The following RMND1 variants were observed in gnomAD, a reference collection of about 807,000 sequenced individuals.
RMND1 encodes required for meiotic nuclear division 1 homolog.
In RMND1, 41 loss-of-function variants were observed where a neutral mutation model predicts 54.0. The observed-to-expected ratio is 0.76, with a 90% CI of 0.59 to 0.98. RMND1 has a LOEUF of 0.98. Ranked by LOEUF, RMND1 falls within the 50% of genes least tolerant of loss-of-function variation. The pLI is 0.00. For missense variants in RMND1, 457 were observed against 532.0 expected (o/e 0.86, Z 1.39); for synonymous variants, 183 against 181.7 (o/e 1.01, Z -0.06).
chr6:151,447,800 T>A (rs114975364), intron 1 of RMND1, among the ~76,000 whole-genome samples: 3,577 of 148,968 alleles, frequency 0.024, 176 homozygotes, highest in African/African-American at 0.083. Context: ...TTATTCTCTT[T>A]GAGTAAATTC....
chr6:151,435,810 G>A (rs999217156), intron 3 of RMND1, among the ~76,000 whole-genome samples: 1 of 150,406 alleles, frequency 6.6e-6, no homozygotes, highest in African/African-American at 2.4e-5. Context: ...TCTTCTATAA[G>A]ACTAAAATAA....
intron 8 of RMND1, among the ~76,000 whole-genome samples, chr6:151,421,782 G>T (rs58065098): frequency 0.12 from 17,850 of 151,976 alleles, 1,085 homozygotes; most frequent in Middle Eastern, 0.18. Flanking sequence ...TTCTCAGAGA[G>T]AAACATTTCA....
intron 1 of RMND1, among the ~76,000 whole-genome samples, chr6:151,449,170 C>T (rs1562803053): frequency 1.3e-5 from 2 of 151,102 alleles, no homozygotes; most frequent in African/African-American, 2.4e-5. Flanking sequence ...TGTTCGAGGC[C>T]AGCCTGGCCA....
chr6:151,405,170 G>A lies in RMND1; in HGVS notation c.*65C>T, dbSNP rs892293654. ...CAGGCATGAGGCACCGCGCCGGGCC[G>A]AACATTTAATTTTTGATTGTAGAAC... On this transcript the variant is annotated 3_prime_UTR_variant, in exon 12 of 12. Coordinates refer to ENST00000444024, the MANE Select transcript of RMND1 (RefSeq NM_017909.4). 8.7e-6 allele frequency: 13 copies of A among 1,497,390 alleles called. No individual in the cohort carries two copies. The highest frequency in any genetic ancestry group is 3.4e-5 in the Admixed American group (2 of 59,194). The allele number at this position is 1,497,390 out of a possible 1,614,324, so 92.8% of individuals were successfully genotyped here. A position where few individuals can be genotyped will look rare whatever the true frequency, so the allele number is the denominator to read the frequency against.
chr6:151,445,200 G>A, intron 2 of RMND1, 108 bp downstream of exon 2: 3 of 1,123,842 alleles, frequency 2.7e-6, no homozygotes, highest in Non-Finnish European at 3.8e-6. Context: ...AGAAGTCTGA[G>A]TGACTGCTAG....
intron 4 of RMND1, among the ~76,000 whole-genome samples, chr6:151,432,517 G>A (rs1023948306): frequency 2.2e-5 from 3 of 139,384 alleles, no homozygotes; most frequent in Admixed American, 7.1e-5. Flanking sequence ...TTAGTCTCAT[G>A]ACTATGGGTA....
rs1365284912 is a variant in RMND1 at position 151,421,304 on chromosome 6, C to T, written c.1020G>A (p.Lys340=). The T allele has an allele frequency of 6.2e-7, 1 of 1,612,432 alleles. No homozygotes were observed. The highest frequency in any genetic ancestry group is 8.5e-7 in the Non-Finnish European group (1 of 1,179,168). ...QSIPEALKAG[K]KVKLSHEEVM... Reference sequence around the variant, plus strand: ...CTTCTTCATGAGATAGTTTCACTTTCTTCCCAGCTTTTAAAGCCTAGTTGA... The same window carrying T: ...CTTCTTCATGAGATAGTTTCACTTTTTTCCCAGCTTTTAAAGCCTAGTTGA... Residue 340 remains lysine, a synonymous_variant, in exon 9 of 12, where the codon AAG becomes AAA. Transcript: ENST00000444024.
intron 10 of RMND1, among the ~76,000 whole-genome samples, chr6:151,406,477 T>A (rs962699113): frequency 1.3e-5 from 2 of 152,086 alleles, no homozygotes; most frequent in Non-Finnish European, 2.9e-5. Flanking sequence ...TTCTCCTGCC[T>A]CAGCCTCCCA....
At chr6:151,426,340 C>T (rs566325861) in intron 6 of RMND1, among the ~76,000 whole-genome samples, 2 of 152,280 alleles carry the variant, frequency 1.3e-5, no homozygotes, top group South Asian at 2.1e-4. Flanking sequence ...TTCATACTGC[C>T]TCTGTCTCGG....
chr6:151,437,107 C>A (rs545380615), intron 2 of RMND1, among the ~76,000 whole-genome samples: 1 of 152,196 alleles, frequency 6.6e-6, no homozygotes, highest in Non-Finnish European at 1.5e-5. Context: ...TTGTCTCATG[C>A]CCCATCTTGC....
At chr6:151,445,285 A>G (rs1306467498) in intron 2 of RMND1, 23 bp downstream of exon 2, 9 of 1,584,790 alleles carry the variant, frequency 5.7e-6, no homozygotes, top group African/African-American at 1.4e-5. Context: ...TAAGCACGAG[A>G]GCCACGGCCA....
chr6:151,428,444 C>T (rs1249885403), intron 5 of RMND1, among the ~76,000 whole-genome samples: 7 of 152,148 alleles, frequency 4.6e-5, no homozygotes, highest in Admixed American at 3.9e-4. Context: ...TACAATGTTG[C>T]GATGTGCCAC....
chr6:151,433,336 A>C, intron 3 of RMND1, 106 bp from the exon 4 acceptor site: 1 of 632,978 alleles, frequency 1.6e-6, no homozygotes, highest in Non-Finnish European at 2.7e-6. Context: ...TTCTTTATAT[A>C]CCATGGAGTG....
intron 3 of RMND1, among the ~76,000 whole-genome samples, chr6:151,435,704 G>A (rs940730845): frequency 6.6e-6 from 1 of 151,660 alleles, no homozygotes; most frequent in Non-Finnish European, 1.5e-5. Context: ...ACAGGCGTGA[G>A]CTACTGCACC....
rs554892347 is a variant in RMND1, at chr6:151,419,102, C to G, written c.1080-1703G>C. ...TTTTTGAGACAGAATCTTGCTCTGT[C>G]GCCCAGGCTGGAGTGCAGTGGCATG... On this transcript the variant is annotated intron_variant, in intron 9 of 11. Coordinates refer to ENST00000444024, the MANE Select transcript of RMND1 (RefSeq NM_017909.4). Among the ~76,000 whole-genome samples the G allele has an allele frequency of 5.8e-5, 8 of 136,804 alleles. No homozygotes were observed. The East Asian group carries it at 1.3e-3, about 23-fold the overall frequency. The allele number at this position is 136,804 out of a possible 152,430, so 89.7% of individuals were successfully genotyped here. A position where few individuals can be genotyped will look rare whatever the true frequency, so the allele number is the denominator to read the frequency against.
chr6:151,445,765 A>G lies in RMND1; in HGVS notation c.47T>C (p.Leu16Ser). The G allele has an allele frequency of 6.2e-7, 1 of 1,613,584 alleles. No individual in the cohort carries two copies. Among genetic ancestry groups the G allele is most frequent in the Non-Finnish European group, 8.5e-7 (1 of 1,180,002 alleles). ...TCTTCGGCACTGATGTGCTTTTGATAATATATGATGAGATCTGGCCACGGC... is the reference window on the plus strand; with the variant it reads ...TCTTCGGCACTGATGTGCTTTTGATGATATATGATGAGATCTGGCCACGGC... ...LRAVARSHHI[L>S]SKAHQCRRIG... The change falls in exon 2 of 12, where the codon TTA becomes TCA. Residue 16 changes from leucine (L) to serine (S), a missense_variant. Leu to Ser is a moderately radical substitution (Grantham distance 145, BLOSUM62 -2). Transcript: ENST00000444024.
At chr6:151,408,459 T>G (rs528802188) in intron 10 of RMND1, among the ~76,000 whole-genome samples, 1 of 152,196 alleles carries the variant, frequency 6.6e-6, no homozygotes, top group African/African-American at 2.4e-5. Flanking sequence ...GGCATTGAAC[T>G]CCATCTCAGA....
intron 2 of RMND1, among the ~76,000 whole-genome samples, chr6:151,441,190 G>C (rs1176147480): frequency 6.6e-6 from 1 of 152,164 alleles, no homozygotes; most frequent in East Asian, 1.9e-4. Context: ...GCTCTGATCA[G>C]AACATTTTTT....
At position 151,449,035 on chromosome 6, in the gene RMND1, T is replaced by G. The variant is rs1222998722; in HGVS notation, c.-15+2981A>C. 8.8e-5 allele frequency among the ~76,000 whole-genome samples: 10 copies of G among 114,022 alleles called. No homozygotes were observed. The Admixed American group carries it at 1.3e-3, about 15-fold the overall frequency. The allele number at this position is 114,022 out of a possible 152,430, so 74.8% of individuals were successfully genotyped here. A position where few individuals can be genotyped will look rare whatever the true frequency, so the allele number is the denominator to read the frequency against. ...GAGATTGCGCCACTGCACTCCAGAA[T>G]GAGCAACAAAGCGAGACTCTGTCTC... On this transcript the variant is annotated intron_variant, in intron 1 of 11. Transcript: ENST00000444024.
Sources: gnomAD v4.1 joint callset for allele counts (sites outside exome capture counted in the v4.1 genomes callset) on GRCh38, gnomAD v4.1.1 for gene constraint, MANE v1.5 for transcripts, NCBI Gene and HGNC (gene_info 2026-07-23, HGNC 2026-07-21) for gene names.